FRAS1: variants seen among roughly 807,000 people sequenced by gnomAD.
FRAS1 encodes extracellular matrix organizing protein FRAS1.
In FRAS1, 290 loss-of-function variants were observed where a neutral mutation model predicts 435.2. The ratio of observed to expected loss-of-function variants is 0.67; its 90% CI spans 0.61 to 0.73. The LOEUF is 0.73. FRAS1 is among the 30% of genes least tolerant of loss of function. The pLI is 0.00. For synonymous variants in FRAS1, 1,800 were observed against 1,851.0 expected (o/e 0.97, Z 0.71); for missense variants, 4,860 against 5,001.5 (o/e 0.97, Z 0.85).
chr4:78,167,856 G>A lies in FRAS1; in HGVS notation c.109-69654G>A, dbSNP rs17003007. 5.6e-3 allele frequency among the ~76,000 whole-genome samples: 848 copies of A among 152,138 alleles called. 43 individuals are homozygous for A. Among genetic ancestry groups the A allele is most frequent in the Admixed American group, 0.052 (790 of 15,286 alleles). ...GAATATCACTGATTTGCAGATCTGG[G>A]TGGACATTTGATACCTTTAAACTAA... On this transcript the variant is annotated intron_variant, in intron 2 of 73. Transcript: ENST00000512123.
chr4:78,249,070 T>TATATATATGCATATATATATATGC (rs1553934050), intron 4 of FRAS1, among the ~76,000 whole-genome samples: 15 of 109,030 alleles, frequency 1.4e-4, no homozygotes, highest in South Asian at 6.5e-4. Context: ...TATGCATATA[T>TATATATATGCATATATATATATGC]ATATATATAT....
At chr4:78,179,920 C>T (rs1721924985) in intron 2 of FRAS1, among the ~76,000 whole-genome samples, 1 of 152,134 alleles carries the variant, frequency 6.6e-6, no homozygotes, top group African/African-American at 2.4e-5. Context: ...GGTTAACAAA[C>T]ACTCTTATAT....
intron 2 of FRAS1, among the ~76,000 whole-genome samples, chr4:78,158,251 C>T (rs1249166425): frequency 6.6e-6 from 1 of 152,192 alleles, no homozygotes; most frequent in Non-Finnish European, 1.5e-5. Flanking sequence ...AGCATTCAAT[C>T]TGTGGCTTGC....
chr4:78,179,534 C>A (rs1721912942), intron 2 of FRAS1, among the ~76,000 whole-genome samples: 1 of 152,184 alleles, frequency 6.6e-6, no homozygotes, highest in Non-Finnish European at 1.5e-5. Context: ...CATTCCTTCC[C>A]TGCTCCAGAA....
At chr4:78,220,554 G>C (rs1724009673) in intron 2 of FRAS1, among the ~76,000 whole-genome samples, 1 of 152,214 alleles carries the variant, frequency 6.6e-6, no homozygotes, top group Non-Finnish European at 1.5e-5. Flanking sequence ...TATAGCTACA[G>C]TCTTGTTCTT....
intron 2 of FRAS1, among the ~76,000 whole-genome samples, chr4:78,168,988 G>A (rs369387913): frequency 6.6e-6 from 1 of 152,134 alleles, no homozygotes; most frequent in East Asian, 1.9e-4. Flanking sequence ...AAGTTGGGAA[G>A]TCTTCACTGG....
At chr4:78,518,281 A>G (rs6533730) in intron 66 of FRAS1, among the ~76,000 whole-genome samples, 70,924 of 151,272 alleles carry the variant, frequency 0.47, 16,780 homozygotes, top group South Asian at 0.57. Context: ...AAATATTAAA[A>G]CATTTGGTTT....
At chr4:78,452,730 C>T (rs943454331) in intron 47 of FRAS1, among the ~76,000 whole-genome samples, 1 of 152,184 alleles carries the variant, frequency 6.6e-6, no homozygotes, top group Non-Finnish European at 1.5e-5. Flanking sequence ...AGTGAGTGAG[C>T]AAGTGTACTG....
At chr4:78,227,401 A>G (rs909515725) in intron 2 of FRAS1, among the ~76,000 whole-genome samples, 56 of 152,348 alleles carry the variant, frequency 3.7e-4, no homozygotes, top group African/African-American at 1.3e-3. Flanking sequence ...GCAAATTTTT[A>G]AATGCCTCTT....
intron 70 of FRAS1, among the ~76,000 whole-genome samples, chr4:78,531,458 A>G (rs1168281162): frequency 6.6e-6 from 1 of 152,180 alleles, no homozygotes; most frequent in Non-Finnish European, 1.5e-5. Context: ...CCCATTCAGT[A>G]TCATATTGGC....
chr4:78,267,370 A>G lies in FRAS1; in HGVS notation c.919A>G (p.Met307Val). The change falls in exon 9 of 74, where the codon ATG (methionine) becomes GTG (valine). Residue 307 changes from methionine to valine, a missense_variant. Met to Val is a conservative substitution (Grantham distance 21). Transcript: ENST00000512123. Reference sequence around the variant, plus strand: ...GAAGGGCTCGGCCTGTGAGTTCTGCATGTGTGATCATGGCCAAGTGACCTG... The same window carrying G: ...GAAGGGCTCGGCCTGTGAGTTCTGCGTGTGTGATCATGGCCAAGTGACCTG... ...MWKGSACEFC[M>V]CDHGQVTCQT... The G allele has an allele frequency of 6.2e-6, 10 of 1,613,916 alleles. No individual in the cohort carries two copies. Among genetic ancestry groups the G allele is most frequent in the Non-Finnish European group, 6.8e-6 (8 of 1,179,870 alleles).
chr4:78,181,848 C>G, intron 2 of FRAS1: 1 of 1,612,088 alleles, frequency 6.2e-7, no homozygotes, highest in Non-Finnish European at 8.5e-7. Flanking sequence ...AGCTGTTTGC[C>G]TGCCGCGTTG....
At chr4:78,361,827 A>C (rs941622046) in intron 20 of FRAS1, among the ~76,000 whole-genome samples, 9 of 152,204 alleles carry the variant, frequency 5.9e-5, no homozygotes, top group African/African-American at 2.2e-4. Flanking sequence ...CTACAGGGGA[A>C]GGTGGGAAGG....
In FRAS1 at chr4:78,282,852, G is replaced by T. The variant is rs780789232; in HGVS notation, c.1140G>T (p.Lys380Asn). 2 of 1,613,304 alleles carry T rather than the reference G, an allele frequency of 1.2e-6. No homozygotes were observed. Among genetic ancestry groups the T allele is most frequent in the Non-Finnish European group, 1.7e-6 (2 of 1,179,728 alleles). Residue 380 changes from lysine (K) to asparagine (N), a missense_variant, in exon 12 of 74, where the codon AAG becomes AAT. By Grantham distance (94) the Lys-to-Asn change is moderately conservative. Coordinates refer to ENST00000512123, the MANE Select transcript of FRAS1 (RefSeq NM_025074.7). ...AGAAGTGGGAAGATGGCCCTTGCAA[G>T]GTGTGTGAGTGCCGAGGGGCTCAGG... ...EGEKWEDGPC[K>N]VCECRGAQVT...
rs145234763 is a variant in FRAS1 at position 78,163,018 on chromosome 4, G to A, written c.109-74492G>A. 2.9e-3 allele frequency among the ~76,000 whole-genome samples: 443 copies of A among 152,328 alleles called. 2 individuals are homozygous for A. Among genetic ancestry groups the A allele is most frequent in the African/African-American group, 0.01 (416 of 41,580 alleles). On this transcript the variant is annotated intron_variant, in intron 2 of 73. Transcript: ENST00000512123. ...TTCTAGACCTGACCATGCGGGGCTA[G>A]ACGCCTTCAGTGTTTGAAGTGGTAT...
chr4:78,284,229 ATTT>A (rs11453256), intron 12 of FRAS1, among the ~76,000 whole-genome samples, 173 bp from the exon 13 acceptor site: 18 of 80,818 alleles, frequency 2.2e-4, no homozygotes, highest in African/African-American at 7.9e-4. Context: ...ATTGGAATGT[ATTT>A]TTTTTTTTTT....
At chr4:78,157,074 C>A (rs928268116) in intron 2 of FRAS1, among the ~76,000 whole-genome samples, 7 of 152,176 alleles carry the variant, frequency 4.6e-5, no homozygotes, top group African/African-American at 1.4e-4. Context: ...ACCCCATTGG[C>A]ATTTTGTTTT....
intron 70 of FRAS1, among the ~76,000 whole-genome samples, chr4:78,527,458 T>C (rs948442024): frequency 6.6e-6 from 1 of 152,202 alleles, no homozygotes; most frequent in African/African-American, 2.4e-5. Context: ...GTTTATAGTC[T>C]AGGGTCACCT....
rs1578339632 is a variant in FRAS1, at chr4:78,464,064, A to T, written c.6807A>T (p.Arg2269=). ...TTACTCAAGCTGATCTGACTTCACGAAATGTTCAGTATGTCCATTCTAGTG... is the reference window on the plus strand; with the variant it reads ...TTACTCAAGCTGATCTGACTTCACGTAATGTTCAGTATGTCCATTCTAGTG... The part of the protein sequence containing the change: ...SSFTQADLTS[R]NVQYVHSSEA... The change falls in exon 48 of 74, where the codon CGA becomes CGT. Residue 2269 remains arginine (R), a synonymous_variant. Transcript: ENST00000512123. 6.2e-7 allele frequency: 1 copy of T among 1,613,720 alleles called. No individual in the cohort carries two copies.
Sources: allele counts gnomAD v4.1 joint callset (sites outside exome capture counted in the v4.1 genomes callset), GRCh38; gene constraint gnomAD v4.1.1; transcripts MANE v1.5; gene names NCBI Gene and HGNC (gene_info 2026-07-23, HGNC 2026-07-21).